Variants in DGKI observed in about 807,000 individuals in gnomAD.
The protein encoded by DGKI is DAG kinase iota.
A neutral mutation model predicts 147.5 loss-of-function variants in DGKI; 55 were observed. That is an observed-to-expected ratio of 0.37 (90% CI 0.30 to 0.47). The LOEUF (loss-of-function observed/expected upper bound fraction) is 0.47, where lower values mean the gene tolerates loss of function less well. Among genes scored for constraint, DGKI ranks in the 20% least tolerant of loss-of-function variants. The pLI, the probability that DGKI is intolerant of heterozygous loss-of-function variation, is 1.00. For synonymous variants in DGKI, 469 were observed against 477.1 expected, an observed-to-expected ratio of 0.98 and a Z score of 0.22; for missense variants, 1,007 against 1,323.8, an observed-to-expected ratio of 0.76 and a Z score of 3.71.
At chr7:137,533,541 T>C (rs1465583614) in intron 20 of DGKI, among the ~76,000 whole-genome samples, 1 of 152,262 alleles carries the variant, frequency 6.6e-6, no homozygotes, top group East Asian at 1.9e-4. Context: ...AGCAAACCAA[T>C]GTATTTATAA....
chr7:137,653,279 G>A (rs1460167057), intron 5 of DGKI, among the ~76,000 whole-genome samples: 1 of 152,170 alleles, frequency 6.6e-6, no homozygotes, highest in Non-Finnish European at 1.5e-5. Flanking sequence ...CTTAGTTCAC[G>A]TCACCATTAT....
rs115760676 is a variant in DGKI at position 137,451,226 on chromosome 7, C to A, written c.2736-7124G>T. 7.9e-5 allele frequency among the ~76,000 whole-genome samples: 12 copies of A among 152,118 alleles called. No homozygotes were observed. In the South Asian group the frequency reaches 1.2e-3, roughly 16 times the overall value. The stretch of plus-strand genomic sequence containing the variant: ...AGGAAGTAAGTTTGTTCCTCTGGAA[C>A]GGAGTGTTGTCATGGCAGTCTGAAT... On this transcript the variant is annotated intron_variant, in intron 27 of 32. Coordinates refer to ENST00000614521, the MANE Select transcript of DGKI (RefSeq NM_001321708.2).
intron 22 of DGKI, among the ~76,000 whole-genome samples, chr7:137,486,445 T>C (rs1230709893): frequency 6.6e-6 from 1 of 152,102 alleles, no homozygotes; most frequent in African/African-American, 2.4e-5. Context: ...AATACAAACA[T>C]TATTTTGGGA....
chr7:137,399,875 C>T (rs143456649), intron 30 of DGKI, among the ~76,000 whole-genome samples: 178 of 150,754 alleles, frequency 1.2e-3, no homozygotes, highest in African/African-American at 4.2e-3. Flanking sequence ...GTGCTCACTG[C>T]CTGGGTGACA....
chr7:137,391,183 T>A lies in DGKI; in HGVS notation c.*37A>T. On this transcript the variant is annotated 3_prime_UTR_variant, in exon 33 of 33. Coordinates refer to ENST00000614521, the MANE Select transcript of DGKI (RefSeq NM_001321708.2). ...CCAATTGCAGGGAGGGCAGATGTGA[T>A]ACGCTTGCTCATGTCCTCTTTGCCC... 12 of 1,500,524 alleles carry A rather than the reference T, an allele frequency of 8.0e-6. No individual in the cohort carries two copies. Among genetic ancestry groups the A allele is most frequent in the Non-Finnish European group, 1.1e-5 (12 of 1,077,430 alleles). 93.0% of individuals were successfully genotyped at this position (1,500,524 alleles called of 1,614,324 possible).
At chr7:137,532,566 A>T (rs1333707597) in intron 20 of DGKI, among the ~76,000 whole-genome samples, 1 of 152,172 alleles carries the variant, frequency 6.6e-6, no homozygotes, top group Non-Finnish European at 1.5e-5. Flanking sequence ...CTCTGGAAAG[A>T]GATATAGATG....
intron 20 of DGKI, 26 bp downstream of exon 20, chr7:137,552,343 G>A: frequency 1.9e-6 from 3 of 1,611,238 alleles, no homozygotes; most frequent in Non-Finnish European, 8.5e-7. Context: ...TTCATGTTAA[G>A]CAAGGTAGGC....
intron 10 of DGKI, among the ~76,000 whole-genome samples, chr7:137,603,489 C>T (rs1820067241): frequency 6.6e-6 from 1 of 152,186 alleles, no homozygotes; most frequent in African/African-American, 2.4e-5. Flanking sequence ...TAGAATGCCT[C>T]ATTTATTTGA....
chr7:137,534,258 GTC>G (rs1174029226), intron 20 of DGKI, among the ~76,000 whole-genome samples: 7 of 152,018 alleles, frequency 4.6e-5, no homozygotes, highest in African/African-American at 1.7e-4. Flanking sequence ...AAGTTGAAAT[GTC>G]TCTTTTTCCT....
chr7:137,591,284 A>G (rs1819600948), intron 12 of DGKI, among the ~76,000 whole-genome samples: 1 of 152,220 alleles, frequency 6.6e-6, no homozygotes, highest in Non-Finnish European at 1.5e-5. Flanking sequence ...AAATGATCAA[A>G]TATGTCATTG....
chr7:137,785,641 T>C (rs541583068), intron 1 of DGKI, among the ~76,000 whole-genome samples: 2 of 152,244 alleles, frequency 1.3e-5, no homozygotes, highest in East Asian at 3.9e-4. Flanking sequence ...AGTATCACCC[T>C]AATACCAAAA....
In DGKI at chr7:137,581,793, CA is replaced by C. The variant is rs1563096422; in HGVS notation, c.1642+56del. On this transcript the variant is annotated intron_variant, in intron 15 of 32. Transcript: ENST00000614521. ...TGATATACAAACAAAAGGGAACATG[CA>C]AAACACCTGCTAGAAACTTCCTCCC... is the stretch of plus-strand genomic sequence containing the variant. 4 of 1,459,952 alleles carry C rather than the reference CA, an allele frequency of 2.7e-6. No individual in the cohort carries two copies. The African/African-American group carries it at 5.6e-5, about 20-fold the overall frequency. 90.4% of individuals were successfully genotyped at this position (1,459,952 alleles called of 1,614,324 possible).
Position 137,387,796 on chromosome 7 carries a change from C to T in DGKI, c.*3424G>A, listed in dbSNP as rs1191796990. ...CCATTTTTATAATTTAAAAAAACCC[C>T]TAAATATTATTAATAAAATTGACAT... is the stretch of plus-strand genomic sequence containing the variant. On this transcript the variant is annotated 3_prime_UTR_variant, in exon 33 of 33. Coordinates refer to ENST00000614521, the MANE Select transcript of DGKI (RefSeq NM_001321708.2). 1 of 152,038 alleles carries T rather than the reference C, an allele frequency of 6.6e-6. No homozygotes were observed. Among genetic ancestry groups the T allele is most frequent in the Non-Finnish European group, 1.5e-5 (1 of 68,002 alleles). 9.4% of individuals were successfully genotyped at this position (152,038 alleles called of 1,614,324 possible). A position where few individuals can be genotyped will look rare whatever the true frequency, so the allele number is the denominator to read the frequency against.
chr7:137,515,163 T>G (rs930818502), intron 21 of DGKI, among the ~76,000 whole-genome samples: 3 of 152,142 alleles, frequency 2.0e-5, no homozygotes, highest in African/African-American at 4.8e-5. Flanking sequence ...CATGCACTCT[T>G]TTTGTTCTGG....
chr7:137,721,963 G>A, intron 1 of DGKI: 1 of 1,401,646 alleles, frequency 7.1e-7, no homozygotes, highest in Admixed American at 2.0e-5. Flanking sequence ...GTATAGCATA[G>A]TGAGCTCTTT....
At chr7:137,534,393 C>T (rs572667167) in intron 20 of DGKI, among the ~76,000 whole-genome samples, 120 of 152,062 alleles carry the variant, frequency 7.9e-4, no homozygotes, top group African/African-American at 2.8e-3. Context: ...ATATTTTACT[C>T]ACAAAGACTA....
chr7:137,759,793 TTC>T (rs1407179064), intron 1 of DGKI, among the ~76,000 whole-genome samples: 3 of 152,152 alleles, frequency 2.0e-5, no homozygotes, highest in Admixed American at 1.3e-4. Context: ...CTCCCTTTCT[TTC>T]TCTGTTTCTC....
intron 3 of DGKI, among the ~76,000 whole-genome samples, chr7:137,659,811 TA>T (rs1822358240): frequency 6.6e-6 from 1 of 152,112 alleles, no homozygotes; most frequent in Non-Finnish European, 1.5e-5. Context: ...TGGGCACCTG[TA>T]GTCCCAGCTA....
intron 20 of DGKI, among the ~76,000 whole-genome samples, chr7:137,540,959 C>A (rs1327679559): frequency 6.6e-6 from 1 of 151,940 alleles, no homozygotes; most frequent in Non-Finnish European, 1.5e-5. Context: ...TCAACATTCC[C>A]CAAGTTGATC....
Sources: gnomAD v4.1 joint callset for allele counts (sites outside exome capture counted in the v4.1 genomes callset) on GRCh38, gnomAD v4.1.1 for gene constraint, MANE v1.5 for transcripts, NCBI Gene and HGNC (gene_info 2026-07-23, HGNC 2026-07-21) for gene names.